The following CADM1 variants were observed in gnomAD, a reference collection of about 807,000 sequenced individuals.
CADM1 encodes cell adhesion molecule 1.
In CADM1, 15 loss-of-function variants were observed where a neutral mutation model predicts 53.1. The observed-to-expected ratio is 0.28, with a 90% CI of 0.19 to 0.44. The LOEUF (loss-of-function observed/expected upper bound fraction) is 0.44. Among genes scored for constraint, CADM1 ranks in the 20% least tolerant of loss-of-function variants. CADM1 has a pLI of 1.00. For synonymous variants in CADM1, 281 were observed against 243.0 expected, an observed-to-expected ratio of 1.16 and a Z score of -1.45; for missense variants, 434 against 611.3, an observed-to-expected ratio of 0.71 and a Z score of 3.06.
chr11:115,356,740 TA>T lies in CADM1; in HGVS notation c.125-116321del, dbSNP rs567740369. 7.5e-4 allele frequency among the ~76,000 whole-genome samples: 114 copies of T among 152,298 alleles called. 1 individual carries two copies. Among genetic ancestry groups the T allele is most frequent in the African/African-American group, 2.5e-3 (103 of 41,576 alleles). ...AATAACTACTGCTTTTAAGCTAAAC[TA>T]AAAAACTTTTGTCAGTGTTTGTGTT... On this transcript the variant is annotated intron_variant, in intron 1 of 11. Transcript: ENST00000331581.
intron 8 of CADM1, among the ~76,000 whole-genome samples, chr11:115,203,979 C>A (rs1289428165): frequency 6.6e-6 from 1 of 152,186 alleles, no homozygotes; most frequent in East Asian, 1.9e-4. Flanking sequence ...TTTACTAGTG[C>A]CCCCAAAATA....
intron 1 of CADM1, among the ~76,000 whole-genome samples, chr11:115,292,008 T>C (rs1591677608): frequency 6.6e-6 from 1 of 152,166 alleles, no homozygotes; most frequent in South Asian, 2.1e-4. Flanking sequence ...TGGGAACCTA[T>C]GGAAAACACA....
chr11:115,348,741 T>C (rs1945648948), intron 1 of CADM1, among the ~76,000 whole-genome samples: 1 of 152,200 alleles, frequency 6.6e-6, no homozygotes, highest in South Asian at 2.1e-4. Context: ...ATAAGTGCCG[T>C]GAGCAAAACT....
intron 1 of CADM1, among the ~76,000 whole-genome samples, chr11:115,490,108 G>T (rs919369127): frequency 6.6e-6 from 1 of 152,178 alleles, no homozygotes; most frequent in African/African-American, 2.4e-5. Flanking sequence ...GACATCTAAG[G>T]TGTATTTTAG....
chr11:115,186,934 T>C (rs1939586327), intron 10 of CADM1, among the ~76,000 whole-genome samples: 1 of 152,182 alleles, frequency 6.6e-6, no homozygotes, highest in African/African-American at 2.4e-5. Context: ...CCATGGCAGC[T>C]CCAGCTCCTG....
intron 5 of CADM1, among the ~76,000 whole-genome samples, chr11:115,221,231 C>T (rs1312324716): frequency 6.6e-6 from 1 of 152,168 alleles, no homozygotes; most frequent in East Asian, 1.9e-4. Context: ...GGTCTGTACA[C>T]TTAAAGAACA....
intron 1 of CADM1, among the ~76,000 whole-genome samples, chr11:115,281,011 G>A (rs916249231): frequency 6.6e-6 from 1 of 152,200 alleles, no homozygotes; most frequent in Non-Finnish European, 1.5e-5. Flanking sequence ...TGACAACTGC[G>A]AGGGCTATGG....
intron 1 of CADM1, among the ~76,000 whole-genome samples, chr11:115,244,513 TTC>T (rs1942345455): frequency 6.6e-6 from 1 of 152,204 alleles, no homozygotes; most frequent in Non-Finnish European, 1.5e-5. Context: ...TTACATACTT[TTC>T]TCTCTCAAAC....
intron 1 of CADM1, among the ~76,000 whole-genome samples, chr11:115,286,700 C>G (rs7927241): frequency 0.35 from 52,723 of 151,686 alleles, 11,231 homozygotes; most frequent in East Asian, 0.65. Context: ...TTATGTTCTG[C>G]ATAGGGCCTG....
At position 115,178,928 on chromosome 11, in the gene CADM1, C is replaced by A. The variant is rs967449453; in HGVS notation, c.1166-153G>T. 13 of 801,698 alleles carry A rather than the reference C, an allele frequency of 1.6e-5. No homozygotes were observed. The East Asian group carries it at 3.4e-4, about 21-fold the overall frequency. The allele number at this position is 801,698 out of a possible 1,614,324, so 49.7% of individuals were successfully genotyped here. On this transcript the variant is annotated intron_variant, in intron 10 of 11. Coordinates refer to ENST00000331581, the MANE Select transcript of CADM1 (RefSeq NM_001301043.2). ...GATGGATCAAGTTACACTGAGGTAACAGGCTGACCTGTCCAGTGCTGAATC... is the reference window on the plus strand; with the variant it reads ...GATGGATCAAGTTACACTGAGGTAAAAGGCTGACCTGTCCAGTGCTGAATC...
At chr11:115,474,763 G>A (rs184982840) in intron 1 of CADM1, among the ~76,000 whole-genome samples, 2,116 of 151,124 alleles carry the variant, frequency 0.014, 49 homozygotes, top group African/African-American at 0.048. Context: ...CGAGTTAATG[G>A]GTGCAGCACA....
intron 1 of CADM1, among the ~76,000 whole-genome samples, chr11:115,461,022 C>A (rs1191825784): frequency 1.3e-5 from 2 of 152,050 alleles, no homozygotes; most frequent in African/African-American, 4.8e-5. Context: ...TGCTAACCAA[C>A]CTGAAGTAAA....
At position 115,504,292 on chromosome 11, in the gene CADM1, C is replaced by T; in HGVS notation, c.103G>A (p.Ala35Thr). 1 of 1,567,894 alleles carries T rather than the reference C, an allele frequency of 6.4e-7. No individual in the cohort carries two copies. Among genetic ancestry groups the T allele is most frequent in the Non-Finnish European group, 8.6e-7 (1 of 1,157,100 alleles). ...RLRLLLLLFS[A>T]AALIPTGDGQ... Reference sequence around the variant, plus strand: ...CTACCTGTGGGGATCAGTGCCGCGGCGGAGAAGAGCAACAGCAGAAGCCGG... The same window carrying T: ...CTACCTGTGGGGATCAGTGCCGCGGTGGAGAAGAGCAACAGCAGAAGCCGG... The change falls in exon 1 of 12, where the codon GCC (alanine) becomes ACC (threonine). Residue 35 changes from alanine to threonine, a missense_variant. By Grantham distance (58) the Ala-to-Thr change is moderately conservative. Transcript: ENST00000331581.
intron 10 of CADM1, among the ~76,000 whole-genome samples, chr11:115,186,266 T>C (rs2134620739): frequency 6.6e-6 from 1 of 152,252 alleles, no homozygotes; most frequent in Non-Finnish European, 1.5e-5. Flanking sequence ...ATCCCATAAT[T>C]TAGGGGAATC....
Position 115,217,927 on chromosome 11 carries a change from C to A in CADM1, c.786G>T (p.Ala262=), listed in dbSNP as rs113893105. The A allele has an allele frequency of 6.2e-7, 1 of 1,613,620 alleles. No individual in the cohort carries two copies. The highest frequency in any genetic ancestry group is 1.7e-5 in the Admixed American group (1 of 59,998). ...PLQGLTREGD[A]LELTCEAIGK... ...CGATGGCTTCACATGTTAACTCAAG[C>A]GCGTCCCCTTCCCGGGTTAAGCCTT... The change falls in exon 6 of 12, where the codon GCG becomes GCT. Residue 262 remains alanine (A), a synonymous_variant. Coordinates refer to ENST00000331581, the MANE Select transcript of CADM1 (RefSeq NM_001301043.2).
intron 1 of CADM1, among the ~76,000 whole-genome samples, chr11:115,436,431 A>G (rs1948184038): frequency 6.6e-6 from 1 of 152,044 alleles, no homozygotes; most frequent in Admixed American, 6.5e-5. Context: ...CTCCTAATTT[A>G]CTGGATTTTG....
intron 9 of CADM1, among the ~76,000 whole-genome samples, chr11:115,198,094 T>C (rs1312730908): frequency 6.6e-6 from 1 of 152,242 alleles, no homozygotes; most frequent in East Asian, 1.9e-4. Flanking sequence ...AATACTCGTT[T>C]GTTTGAAGCC....
chr11:115,444,937 C>T (rs916785481), intron 1 of CADM1, among the ~76,000 whole-genome samples: 4 of 152,092 alleles, frequency 2.6e-5, no homozygotes, highest in African/African-American at 9.7e-5. Context: ...AGGGGGCAGG[C>T]ACGTGGAGGG....
At chr11:115,257,727 C>T (rs1434704435) in intron 1 of CADM1, among the ~76,000 whole-genome samples, 1 of 152,170 alleles carries the variant, frequency 6.6e-6, no homozygotes, top group Non-Finnish European at 1.5e-5. Context: ...GTAATAAAAG[C>T]AGCAGTTAAA....
Sources: gnomAD v4.1 joint callset for allele counts (sites outside exome capture counted in the v4.1 genomes callset) on GRCh38, gnomAD v4.1.1 for gene constraint, MANE v1.5 for transcripts, NCBI Gene and HGNC (gene_info 2026-07-23, HGNC 2026-07-21) for gene names.